Variants in CNTNAP2 observed in about 807,000 individuals in gnomAD.
CNTNAP2 encodes the protein contactin-associated protein-like 2.
Under a neutral mutation model 155.2 loss-of-function variants are expected in CNTNAP2, and 98 were observed. That is an observed-to-expected ratio of 0.63 (90% CI 0.54 to 0.75). The LOEUF is 0.75. Among genes scored for constraint, CNTNAP2 ranks in the 30% least tolerant of loss-of-function variants. CNTNAP2 has a pLI of 0.00. For synonymous variants in CNTNAP2, 651 were observed against 631.2 expected, an observed-to-expected ratio of 1.03 and a Z score of -0.47; for missense variants, 1,727 against 1,688.1, an observed-to-expected ratio of 1.02 and a Z score of -0.40.
At chr7:147,600,043 G>GA (rs759120268) in intron 12 of CNTNAP2, among the ~76,000 whole-genome samples, 11 of 152,106 alleles carry the variant, frequency 7.2e-5, no homozygotes, top group Non-Finnish European at 1.2e-4. Context: ...AAATATACCT[G>GA]AACAAGAAAT....
At chr7:146,479,817 C>T (rs900604264) in intron 1 of CNTNAP2, among the ~76,000 whole-genome samples, 2 of 152,044 alleles carry the variant, frequency 1.3e-5, no homozygotes, top group South Asian at 4.2e-4. Context: ...CAGAGTCTTG[C>T]TCTGTCCCCC....
chr7:147,959,331 G>A (rs1029258434), intron 14 of CNTNAP2, among the ~76,000 whole-genome samples: 1 of 151,940 alleles, frequency 6.6e-6, no homozygotes, highest in Non-Finnish European at 1.5e-5. Flanking sequence ...GACAGATGTG[G>A]GTTGTCCAAT....
intron 14 of CNTNAP2, among the ~76,000 whole-genome samples, chr7:147,904,149 G>GGA (rs954534288): frequency 1.2e-4 from 18 of 151,626 alleles, no homozygotes; most frequent in South Asian, 2.1e-4. Context: ...TGGAAAAATA[G>GGA]GAGAGAGAGA....
intron 10 of CNTNAP2, among the ~76,000 whole-genome samples, chr7:147,483,453 A>G (rs1798460264): frequency 6.6e-6 from 1 of 152,084 alleles, no homozygotes; most frequent in Non-Finnish European, 1.5e-5. Context: ...TCCTTTTTGC[A>G]TGCGTGTAAG....
intron 1 of CNTNAP2, among the ~76,000 whole-genome samples, chr7:146,742,786 G>T (rs75689102): frequency 6.6e-5 from 10 of 151,994 alleles, no homozygotes; most frequent in African/African-American, 2.4e-4. Context: ...AGATATATTC[G>T]GGAAACGAGC....
At chr7:146,547,434 C>A (rs1281109202) in intron 1 of CNTNAP2, among the ~76,000 whole-genome samples, 4 of 151,768 alleles carry the variant, frequency 2.6e-5, no homozygotes, top group Non-Finnish European at 2.9e-5. Context: ...CAATGTTACT[C>A]CAGACCTCCC....
intron 1 of CNTNAP2, among the ~76,000 whole-genome samples, chr7:146,454,497 A>G (rs1166508028): frequency 1.3e-5 from 2 of 152,088 alleles, no homozygotes; most frequent in Non-Finnish European, 2.9e-5. Flanking sequence ...TTGGGAAGGT[A>G]GTGTGAATCC....
intron 1 of CNTNAP2, among the ~76,000 whole-genome samples, chr7:146,265,996 G>A (rs773076192): frequency 4.0e-5 from 6 of 151,866 alleles, no homozygotes; most frequent in African/African-American, 7.2e-5. Context: ...TCCCAGCCTC[G>A]CTTGCAATTA....
intron 11 of CNTNAP2, among the ~76,000 whole-genome samples, chr7:147,547,394 A>G (rs961324038): frequency 6.6e-6 from 1 of 152,004 alleles, no homozygotes; most frequent in African/African-American, 2.4e-5. Flanking sequence ...CGGTTGCTTA[A>G]TCACCATTAA....
chr7:147,925,878 C>T (rs990382837), intron 14 of CNTNAP2, among the ~76,000 whole-genome samples: 7 of 152,222 alleles, frequency 4.6e-5, no homozygotes, highest in African/African-American at 1.7e-4. Flanking sequence ...CTCCCCTCCC[C>T]TCAACTCCTG....
At chr7:147,805,607 C>T (rs1027787689) in intron 13 of CNTNAP2, among the ~76,000 whole-genome samples, 10 of 152,136 alleles carry the variant, frequency 6.6e-5, no homozygotes, top group African/African-American at 2.4e-4. Flanking sequence ...CTTTTGTACC[C>T]TATTGGTTGA....
intron 10 of CNTNAP2, among the ~76,000 whole-genome samples, chr7:147,414,954 A>C (rs1563196131): frequency 6.6e-6 from 1 of 150,570 alleles, no homozygotes; most frequent in Non-Finnish European, 1.5e-5. Flanking sequence ...AAAAAAAAAA[A>C]AAAAAAAAAG....
At chr7:147,305,210 G>A (rs973498806) in intron 9 of CNTNAP2, among the ~76,000 whole-genome samples, 4 of 152,164 alleles carry the variant, frequency 2.6e-5, no homozygotes, top group Non-Finnish European at 5.9e-5. Flanking sequence ...ATTAGGTTGT[G>A]CAAAACCAGT....
chr7:146,158,225 C>G (rs893647435), intron 1 of CNTNAP2, among the ~76,000 whole-genome samples: 21 of 152,146 alleles, frequency 1.4e-4, no homozygotes, highest in Non-Finnish European at 2.4e-4. Flanking sequence ...ACACCAAAAC[C>G]CTATCTGTAT....
At chr7:147,089,689 C>G (rs1244116907) in intron 4 of CNTNAP2, among the ~76,000 whole-genome samples, 1 of 152,150 alleles carries the variant, frequency 6.6e-6, no homozygotes, top group East Asian at 1.9e-4. Context: ...ACATTGAATA[C>G]ATACAGCCAA....
chr7:146,717,184 C>A (rs1368216475), intron 1 of CNTNAP2, among the ~76,000 whole-genome samples: 2 of 151,992 alleles, frequency 1.3e-5, no homozygotes, highest in African/African-American at 4.8e-5. Flanking sequence ...GAGAGAACCA[C>A]CAAAAGATGC....
rs551900855 is a variant in CNTNAP2 at position 147,548,351 on chromosome 7, G to T, written c.1778-13787G>T. On this transcript the variant is annotated intron_variant, in intron 11 of 23. Coordinates refer to ENST00000361727, the MANE Select transcript of CNTNAP2 (RefSeq NM_014141.6). ...TGGTTTAGATTTGCATTTCTCTGAC[G>T]ATCAGTGAATTTGAGCTTTTTTTCA... Among the ~76,000 whole-genome samples the T allele has an allele frequency of 1.1e-4, 16 of 152,302 alleles. No homozygotes were observed. The South Asian group carries it at 3.1e-3, about 30-fold the overall frequency.
In CNTNAP2 at chr7:148,106,493, G is replaced by GAGAGAGATAGAT. The variant is rs1554472856; in HGVS notation, c.2384-11624_2384-11623insGAGAGATAGATA. On this transcript the variant is annotated intron_variant, in intron 15 of 23. Coordinates refer to ENST00000361727, the MANE Select transcript of CNTNAP2 (RefSeq NM_014141.6). ...CACTTCAGTGTACTGCACACTTTGA[G>GAGAGAGATAGAT]ATATATATATATATATATATATATA... is the stretch of plus-strand genomic sequence containing the variant. 5.1e-4 allele frequency among the ~76,000 whole-genome samples: 64 copies of GAGAGAGATAGAT among 124,912 alleles called. 1 individual carries two copies. The highest frequency in any genetic ancestry group is 2.1e-3 in the African/African-American group (62 of 28,994). The allele number at this position is 124,912 out of a possible 152,430, so 81.9% of individuals were successfully genotyped here.
At chr7:148,322,077 C>T (rs1337959275) in intron 21 of CNTNAP2, among the ~76,000 whole-genome samples, 4 of 151,574 alleles carry the variant, frequency 2.6e-5, no homozygotes, top group Non-Finnish European at 5.9e-5. Flanking sequence ...CACACCACTG[C>T]GTCTGGCTAA....
Sources: allele counts gnomAD v4.1 joint callset (sites outside exome capture counted in the v4.1 genomes callset), GRCh38; gene constraint gnomAD v4.1.1; transcripts MANE v1.5; gene names NCBI Gene and HGNC (gene_info 2026-07-23, HGNC 2026-07-21).